Variants in RPH3A observed in about 807,000 individuals in gnomAD.
The protein encoded by RPH3A is rabphilin-3A.
RPH3A carries 48 observed loss-of-function variants against 102.2 expected under a neutral mutation model. The observed-to-expected ratio is 0.47, with a 90% CI of 0.37 to 0.60. RPH3A has a LOEUF of 0.60. RPH3A is among the 20% of genes least tolerant of loss of function. RPH3A has a pLI of 0.00. For missense variants in RPH3A, 781 were observed against 910.1 expected, an observed-to-expected ratio of 0.86 and a Z score of 1.83; for synonymous variants, 310 against 324.3, an observed-to-expected ratio of 0.96 and a Z score of 0.47.
chr12:112,599,747 AC>A (rs1385899258), intron 1 of RPH3A, among the ~76,000 whole-genome samples: 1 of 152,164 alleles, frequency 6.6e-6, no homozygotes, highest in African/African-American at 2.4e-5. Flanking sequence ...GTATCCCACC[AC>A]CCTTCCCATC....
At chr12:112,746,764 G>A (rs1565868463) in intron 1 of RPH3A, among the ~76,000 whole-genome samples, 3 of 152,092 alleles carry the variant, frequency 2.0e-5, no homozygotes, top group South Asian at 2.1e-4. Context: ...GTCTGTCTCC[G>A]GCAGTTTCTC....
chr12:112,844,476 C>T (rs1476248279), intron 4 of RPH3A, among the ~76,000 whole-genome samples: 1 of 152,178 alleles, frequency 6.6e-6, no homozygotes, highest in Non-Finnish European at 1.5e-5. Flanking sequence ...CTAATTCTTC[C>T]CCTATCAGGC....
chr12:112,778,537 G>A (rs1432084709), intron 1 of RPH3A, among the ~76,000 whole-genome samples: 1 of 152,142 alleles, frequency 6.6e-6, no homozygotes, highest in Non-Finnish European at 1.5e-5. Context: ...ATAGGCTAAA[G>A]CAAAGCAAAA....
At chr12:112,586,510 G>A (rs1229764817) in intron 1 of RPH3A, among the ~76,000 whole-genome samples, 3 of 152,042 alleles carry the variant, frequency 2.0e-5, no homozygotes, top group Non-Finnish European at 2.9e-5. Flanking sequence ...GCATGGCAAG[G>A]GTGAAGGCTA....
upstream of RPH3A, among the ~76,000 whole-genome samples, chr12:112,790,371 T>A (rs962399818): frequency 6.6e-5 from 10 of 152,318 alleles, no homozygotes; most frequent in African/African-American, 2.4e-4. Context: ...ACACTGTCTT[T>A]AAAAAATTGT....
At chr12:112,670,220 T>C (rs2040117833) in intron 1 of RPH3A, among the ~76,000 whole-genome samples, 1 of 152,206 alleles carries the variant, frequency 6.6e-6, no homozygotes, top group South Asian at 2.1e-4. Flanking sequence ...TCTCGCCTTG[T>C]CGCCCAGGCT....
In RPH3A at chr12:112,828,329, C is replaced by T. The variant is rs768750424; in HGVS notation, c.11C>T (p.Thr4Ile). 1.2e-6 allele frequency: 2 copies of T among 1,611,482 alleles called. No individual in the cohort carries two copies. Among genetic ancestry groups the T allele is most frequent in the South Asian group, 2.2e-5 (2 of 90,482 alleles). MTD[T>I]VFSNSSNRWM... ...CACTAGACATCTACTATGACTGACACCGTGTTCAGCAACAGTTCTAACCGT... is the reference window on the plus strand; with the variant it reads ...CACTAGACATCTACTATGACTGACATCGTGTTCAGCAACAGTTCTAACCGT... The change falls in exon 3 of 22, where the codon ACC (threonine) becomes ATC (isoleucine). Residue 4 changes from threonine (T) to isoleucine (I), a missense_variant. By Grantham distance (89) the Thr-to-Ile change is moderately conservative. This residue lies in a region of RPH3A where 730 missense variants were observed against 810.0 expected (regional missense o/e 0.90). Coordinates refer to ENST00000389385, the MANE Select transcript of RPH3A (RefSeq NM_001143854.2).
chr12:112,654,616 A>G (rs1271709081), intron 1 of RPH3A, among the ~76,000 whole-genome samples: 1 of 152,146 alleles, frequency 6.6e-6, no homozygotes, highest in Non-Finnish European at 1.5e-5. Flanking sequence ...ATCTTCTTGC[A>G]GATTTCATTT....
At chr12:112,777,842 G>A (rs1344874972) in intron 1 of RPH3A, among the ~76,000 whole-genome samples, 1 of 152,184 alleles carries the variant, frequency 6.6e-6, no homozygotes, top group Non-Finnish European at 1.5e-5. Flanking sequence ...TGCTTTTTTG[G>A]CTGAGCTAGG....
intron 1 of RPH3A, among the ~76,000 whole-genome samples, chr12:112,678,195 G>A (rs4767948): frequency 0.23 from 33,723 of 147,622 alleles, 4,553 homozygotes; most frequent in Admixed American, 0.31. Context: ...AGACCCTGTC[G>A]AAAGAAAGCA....
intron 1 of RPH3A, among the ~76,000 whole-genome samples, chr12:112,582,614 C>A (rs1210178363): frequency 8.6e-6 from 1 of 116,362 alleles, no homozygotes; most frequent in Non-Finnish European, 1.8e-5. Context: ...GTCCAGCTAG[C>A]TTTTTTTTTT....
chr12:112,730,445 C>T (rs1431496293), intron 1 of RPH3A, among the ~76,000 whole-genome samples: 1 of 152,194 alleles, frequency 6.6e-6, no homozygotes, highest in Non-Finnish European at 1.5e-5. Flanking sequence ...GCATTTGAAC[C>T]AGGTAGGGGT....
rs190638495 is a variant in RPH3A, at chr12:112,823,528, C to T, written c.-18-4773C>T. Reference sequence around the variant, plus strand: ...TAGGAGAAGCAGGAAAAGAGAATTACCACTTTACAAGTCTTTGCTGTGTGC... The same window carrying T: ...TAGGAGAAGCAGGAAAAGAGAATTATCACTTTACAAGTCTTTGCTGTGTGC... On this transcript the variant is annotated intron_variant, in intron 2 of 21. Coordinates refer to ENST00000389385, the MANE Select transcript of RPH3A (RefSeq NM_001143854.2). Among the ~76,000 whole-genome samples, 66 of 152,298 alleles carry T rather than the reference C, an allele frequency of 4.3e-4. No homozygotes were observed. The East Asian group carries it at 0.012, about 28-fold the overall frequency.
intron 1 of RPH3A, among the ~76,000 whole-genome samples, chr12:112,646,866 G>T (rs995767055): frequency 6.6e-6 from 1 of 152,180 alleles, no homozygotes; most frequent in South Asian, 2.1e-4. Context: ...CACAGAGTTG[G>T]TTTGATGACC....
rs143987688 is a variant in RPH3A at position 112,879,308 on chromosome 12, A to T, written c.1251+110A>T. 3.6e-4 allele frequency: 334 copies of T among 935,434 alleles called. 3 individuals carry two copies. In the East Asian group the frequency reaches 7.0e-3, roughly 20 times the overall value. 57.9% of individuals were successfully genotyped at this position (935,434 alleles called of 1,614,324 possible). ...GTCTCCTGTTGTTGCTTGTCTATCG[A>T]TGATAGTGACGGTGATGAGAAGAGT... is the stretch of plus-strand genomic sequence containing the variant. On this transcript the variant is annotated intron_variant, in intron 14 of 21. Transcript: ENST00000389385.
Position 112,651,463 on chromosome 12 carries a change from A to T in RPH3A, c.-140+76144A>T, listed in dbSNP as rs193182638. On this transcript the variant is annotated intron_variant, in intron 1 of 21. Transcript: ENST00000543106. ...CTAAACCAAAACCATTCAACATTTTAAAAACTTCATTATATTATCTTGGTA... is the reference window on the plus strand; with the variant it reads ...CTAAACCAAAACCATTCAACATTTTTAAAACTTCATTATATTATCTTGGTA... Among the ~76,000 whole-genome samples, 434 of 152,298 alleles carry T rather than the reference A, an allele frequency of 2.8e-3. 3 individuals carry two copies. Among genetic ancestry groups the T allele is most frequent in the South Asian group, 7.1e-3 (34 of 4,822 alleles).
At chr12:112,744,870 G>A (rs1433479804) in intron 1 of RPH3A, among the ~76,000 whole-genome samples, 1 of 152,176 alleles carries the variant, frequency 6.6e-6, no homozygotes, top group Non-Finnish European at 1.5e-5. Context: ...TCTCAAGCAT[G>A]TGTATCCCAG....
At chr12:112,683,087 T>C (rs532847622) in intron 1 of RPH3A, among the ~76,000 whole-genome samples, 9 of 152,246 alleles carry the variant, frequency 5.9e-5, no homozygotes, top group African/African-American at 1.9e-4. Context: ...GTATCTTATC[T>C]GTCTTATTTA....
At chr12:112,839,087 T>C (rs906306173) in intron 4 of RPH3A, among the ~76,000 whole-genome samples, 7 of 114,994 alleles carry the variant, frequency 6.1e-5, no homozygotes, top group Non-Finnish European at 1.3e-4. Context: ...AATGAGCAGG[T>C]TACCACAGTG....
Sources: gnomAD v4.1 joint callset for allele counts (sites outside exome capture counted in the v4.1 genomes callset) on GRCh38, gnomAD v4.1.1 for gene constraint, gnomAD v4.1.1 regional missense constraint, MANE v1.5 for transcripts, NCBI Gene and HGNC (gene_info 2026-07-23, HGNC 2026-07-21) for gene names.